Variants in ADAMTSL1 observed in about 807,000 individuals in gnomAD.
ADAMTSL1 encodes the protein ADAMTS-like protein 1.
ADAMTSL1 carries 126 observed loss-of-function variants against 201.8 expected under a neutral mutation model. The observed-to-expected ratio is 0.62, with a 90% CI of 0.54 to 0.72. The LOEUF is 0.72. Among genes scored for constraint, ADAMTSL1 ranks in the 30% least tolerant of loss-of-function variants. The pLI, the probability that ADAMTSL1 is intolerant of heterozygous loss-of-function variation, is 0.00. For missense variants in ADAMTSL1, 2,679 were observed against 2,277.8 expected (o/e 1.18, Z -3.59); for synonymous variants, 1,121 against 903.4 (o/e 1.24, Z -4.32).
chr9:18,691,125 A>G (rs1416570498), intron 13 of ADAMTSL1, among the ~76,000 whole-genome samples: 1 of 152,232 alleles, frequency 6.6e-6, no homozygotes, highest in Admixed American at 6.5e-5. Context: ...ATGTTTGGAT[A>G]TCATATCATG....
intron 17 of ADAMTSL1, among the ~76,000 whole-genome samples, chr9:18,773,893 A>G (rs919061277): frequency 1.3e-5 from 2 of 152,218 alleles, no homozygotes; most frequent in Non-Finnish European, 2.9e-5. Flanking sequence ...AAAATAAGGA[A>G]TGGGTGGAAT....
At chr9:18,048,233 T>G (rs570129688) in intron 1 of ADAMTSL1, among the ~76,000 whole-genome samples, 42 of 152,224 alleles carry the variant, frequency 2.8e-4, no homozygotes, top group Non-Finnish European at 5.3e-4. Flanking sequence ...AACTCACATT[T>G]TGTTTATTTG....
At chr9:18,181,723 G>A (rs1359106682) in intron 2 of ADAMTSL1, among the ~76,000 whole-genome samples, 1 of 151,892 alleles carries the variant, frequency 6.6e-6, no homozygotes, top group Non-Finnish European at 1.5e-5. Flanking sequence ...GTGGAAGTCA[G>A]TGTGGCGATT....
At chr9:18,585,871 A>C (rs1366989737) in intron 4 of ADAMTSL1, among the ~76,000 whole-genome samples, 1 of 152,188 alleles carries the variant, frequency 6.6e-6, no homozygotes, top group Non-Finnish European at 1.5e-5. Flanking sequence ...GCAGGAAAAT[A>C]CTTTTTATAA....
intron 2 of ADAMTSL1, among the ~76,000 whole-genome samples, chr9:18,515,196 A>G (rs1247298653): frequency 3.3e-5 from 5 of 152,282 alleles, no homozygotes; most frequent in African/African-American, 1.2e-4. Context: ...ATTTTTTCAA[A>G]GCTCTCCAAA....
intron 4 of ADAMTSL1, among the ~76,000 whole-genome samples, chr9:18,607,908 C>T (rs1003743307): frequency 6.6e-6 from 1 of 152,166 alleles, no homozygotes; most frequent in African/African-American, 2.4e-5. Context: ...GACATGAACT[C>T]ATCATTTTTT....
chr9:18,819,834 C>CT (rs1461309500), intron 21 of ADAMTSL1, among the ~76,000 whole-genome samples: 2 of 152,220 alleles, frequency 1.3e-5, no homozygotes, highest in Non-Finnish European at 2.9e-5. Context: ...AAAGAGCCTG[C>CT]TTATAATTAC....
intron 19 of ADAMTSL1, among the ~76,000 whole-genome samples, chr9:18,784,790 G>A (rs1176236785): frequency 6.6e-6 from 1 of 152,160 alleles, no homozygotes; most frequent in East Asian, 1.9e-4. Context: ...ACCCTTTGAA[G>A]TTACTATCCC....
chr9:18,332,948 A>G (rs1835091068), intron 2 of ADAMTSL1, among the ~76,000 whole-genome samples: 1 of 152,172 alleles, frequency 6.6e-6, no homozygotes, highest in Non-Finnish European at 1.5e-5. Context: ...CTGTAAGCGT[A>G]TGAGGAATAA....
Position 18,660,611 on chromosome 9 carries a change from T to A in ADAMTSL1, c.947-1324T>A, listed in dbSNP as rs186227147. 1.5e-3 allele frequency among the ~76,000 whole-genome samples: 226 copies of A among 152,326 alleles called. 1 individual carries two copies. The highest frequency in any genetic ancestry group is 2.5e-3 in the Non-Finnish European group (167 of 68,020). ...GTAGAAATTATTATCTGGAAAATTA[T>A]AAAATAATTAGCCTGTTATAAAATT... On this transcript the variant is annotated intron_variant, in intron 8 of 28. Coordinates refer to ENST00000380548, the MANE Select transcript of ADAMTSL1 (RefSeq NM_001040272.6).
chr9:18,253,526 G>A (rs563253401), intron 2 of ADAMTSL1, among the ~76,000 whole-genome samples: 14 of 152,206 alleles, frequency 9.2e-5, no homozygotes, highest in South Asian at 8.3e-4. Context: ...TATAGGAAGC[G>A]TCGCTGATTA....
At chr9:18,645,330 T>C (rs1173545495) in intron 7 of ADAMTSL1, among the ~76,000 whole-genome samples, 3 of 152,154 alleles carry the variant, frequency 2.0e-5, no homozygotes, top group East Asian at 1.9e-4. Flanking sequence ...TTCTCCCGTT[T>C]TGTAGGTTGC....
At chr9:18,448,061 A>G (rs983336633) in intron 2 of ADAMTSL1, among the ~76,000 whole-genome samples, 1 of 152,118 alleles carries the variant, frequency 6.6e-6, no homozygotes, top group African/African-American at 2.4e-5. Flanking sequence ...GCCATAAAGT[A>G]TTTGCCCAGA....
chr9:18,436,786 C>T (rs1656027410), intron 2 of ADAMTSL1, among the ~76,000 whole-genome samples: 1 of 152,134 alleles, frequency 6.6e-6, no homozygotes. Flanking sequence ...TCATGGAATC[C>T]TTTCTCCTAC....
rs184041093 is a variant in ADAMTSL1 at position 18,196,820 on chromosome 9, C to G, written c.207+32839C>G. 4.6e-5 allele frequency among the ~76,000 whole-genome samples: 7 copies of G among 152,176 alleles called. 1 individual carries two copies. In the East Asian group the frequency reaches 9.7e-4, roughly 21 times the overall value. On this transcript the variant is annotated intron_variant, in intron 2 of 29. Transcript: ENST00000680146. ...CTTAGGGACTTTGCCCAAGCTGTTC[C>G]CTCAGCCTGAATTGCTCTCTATTCC... is the stretch of plus-strand genomic sequence containing the variant.
intron 1 of ADAMTSL1, among the ~76,000 whole-genome samples, chr9:17,953,525 A>G (rs1827809611): frequency 1.3e-5 from 2 of 152,218 alleles, no homozygotes; most frequent in South Asian, 4.1e-4. Flanking sequence ...ATGTTCATTC[A>G]TCGTCGTTCC....
intron 2 of ADAMTSL1, among the ~76,000 whole-genome samples, chr9:18,254,381 G>C (rs1199190146): frequency 1.2e-4 from 3 of 24,402 alleles, no homozygotes; most frequent in Non-Finnish European, 2.7e-4. Context: ...TTTTTTTTTT[G>C]AGATGGAATC....
chr9:18,255,944 A>T (rs139884594), intron 2 of ADAMTSL1, among the ~76,000 whole-genome samples: 1 of 152,198 alleles, frequency 6.6e-6, no homozygotes, highest in Non-Finnish European at 1.5e-5. Flanking sequence ...CTCATATGCA[A>T]CTGACTTTCG....
chr9:18,190,502 C>A (rs1032172865), intron 2 of ADAMTSL1, among the ~76,000 whole-genome samples: 1 of 152,122 alleles, frequency 6.6e-6, no homozygotes, highest in Non-Finnish European at 1.5e-5. Flanking sequence ...AATCAGAGTG[C>A]CTATTTCAAC....
Sources: allele counts gnomAD v4.1 joint callset (sites outside exome capture counted in the v4.1 genomes callset), GRCh38; gene constraint gnomAD v4.1.1; transcripts MANE v1.5; gene names NCBI Gene and HGNC (gene_info 2026-07-23, HGNC 2026-07-21).